GRIP1: variants seen among roughly 807,000 people sequenced by gnomAD.
GRIP1 encodes glutamate receptor interacting protein 1.
A neutral mutation model predicts 129.9 loss-of-function variants in GRIP1; 45 were observed. The observed-to-expected ratio is 0.35, with a 90% CI of 0.27 to 0.44. GRIP1 has a LOEUF of 0.44. GRIP1 is among the 20% of genes least tolerant of loss of function. The probability of loss-of-function intolerance (pLI) is 1.00; values close to 1 mark genes in which losing one functional copy is unlikely to be tolerated. For missense variants in GRIP1, 1,196 were observed against 1,396.8 expected, an observed-to-expected ratio of 0.86 and a Z score of 2.29; for synonymous variants, 530 against 520.8, an observed-to-expected ratio of 1.02 and a Z score of -0.24.
At chr12:66,417,988 T>G (rs1342095567) in intron 15 of GRIP1, among the ~76,000 whole-genome samples, 1 of 152,132 alleles carries the variant, frequency 6.6e-6, no homozygotes, top group Non-Finnish European at 1.5e-5. Flanking sequence ...AATTCTATCC[T>G]GAGCAAAAAG....
rs542462169 is a variant in GRIP1 at position 66,349,074 on chromosome 12, T to C, written c.3332A>G (p.Gln1111Arg). Residue 1111 changes from glutamine to arginine, a missense_variant, in exon 25 of 25, where the codon CAG becomes CGG. Around this residue, in one of 5 missense-constraint regions of GRIP1, gnomAD observed 427 missense variants for 463.3 expected, o/e 0.92. Coordinates refer to ENST00000359742, the MANE Select transcript of GRIP1 (RefSeq NM_001366722.1). ...DWSEQNSAFF[Q>R]QPSHGGNLET... ...CAAATTACCACCGTGGCTAGGCTGCTGGAAAAAAGCACTGTTCTGTTCACT... is the reference window on the plus strand; with the variant it reads ...CAAATTACCACCGTGGCTAGGCTGCCGGAAAAAAGCACTGTTCTGTTCACT... 8.3e-5 allele frequency: 134 copies of C among 1,614,036 alleles called. No homozygotes were observed. The highest frequency in any genetic ancestry group is 1.1e-4 in the Non-Finnish European group (124 of 1,180,006).
chr12:66,729,484 A>G (rs137875782), intron 1 of GRIP1, among the ~76,000 whole-genome samples: 1 of 152,340 alleles, frequency 6.6e-6, no homozygotes, highest in East Asian at 1.9e-4. Context: ...AGGAAGGACT[A>G]TTATATCTTC....
chr12:66,385,829 C>T (rs1437153272), intron 19 of GRIP1, among the ~76,000 whole-genome samples: 5 of 152,168 alleles, frequency 3.3e-5, no homozygotes, highest in East Asian at 3.9e-4. Context: ...AGGCTGATTT[C>T]GAACTCCTGA....
intron 13 of GRIP1, among the ~76,000 whole-genome samples, chr12:66,438,479 C>T (rs542873620): frequency 7.3e-5 from 11 of 151,254 alleles, no homozygotes; most frequent in South Asian, 4.2e-4. Context: ...TCTACCCATT[C>T]GTTCACCGAG....
At chr12:66,548,730 G>C (rs1470673010) in intron 2 of GRIP1, among the ~76,000 whole-genome samples, 1 of 152,150 alleles carries the variant, frequency 6.6e-6, no homozygotes. Flanking sequence ...TTGATTGGTG[G>C]ATGTTGACAT....
chr12:66,484,670 T>C (rs1490103277), intron 7 of GRIP1, among the ~76,000 whole-genome samples: 1 of 151,988 alleles, frequency 6.6e-6, no homozygotes, highest in African/African-American at 2.4e-5. Flanking sequence ...TACCAGAGGT[T>C]GGAAAGGAGA....
intron 1 of GRIP1, among the ~76,000 whole-genome samples, chr12:66,755,931 C>T (rs2037275070): frequency 6.6e-6 from 1 of 152,166 alleles, no homozygotes; most frequent in African/African-American, 2.4e-5. Flanking sequence ...TGGCCAATGG[C>T]TGTGTCCCTT....
chr12:66,985,223 C>T (rs1389526204), intron 1 of GRIP1, among the ~76,000 whole-genome samples: 1 of 152,070 alleles, frequency 6.6e-6, no homozygotes, highest in Non-Finnish European at 1.5e-5. Flanking sequence ...AAGGCAGTCA[C>T]AAAGGCAGCC....
chr12:66,543,829 C>T (rs781515586), intron 2 of GRIP1, among the ~76,000 whole-genome samples: 79 of 152,206 alleles, frequency 5.2e-4, no homozygotes, highest in Non-Finnish European at 9.7e-4. Context: ...GATTATAGAA[C>T]TTTACATGTA....
chr12:66,504,514 C>A (rs1036281990), intron 7 of GRIP1, among the ~76,000 whole-genome samples: 1 of 152,080 alleles, frequency 6.6e-6, no homozygotes, highest in Non-Finnish European at 1.5e-5. Flanking sequence ...ATCATATGTA[C>A]CTGTAGTGCT....
At chr12:66,722,771 A>C (rs2036099240) in intron 1 of GRIP1, among the ~76,000 whole-genome samples, 1 of 152,150 alleles carries the variant, frequency 6.6e-6, no homozygotes. Flanking sequence ...TTTTAGCTTT[A>C]GTGTCCTTTG....
intron 13 of GRIP1, among the ~76,000 whole-genome samples, chr12:66,439,915 A>G (rs76614245): frequency 0.071 from 10,747 of 152,094 alleles, 973 homozygotes; most frequent in East Asian, 0.22. Context: ...AAAAACAACA[A>G]CAACTTACTC....
At chr12:66,779,715 C>T (rs1158686215) in intron 1 of GRIP1, among the ~76,000 whole-genome samples, 1 of 152,168 alleles carries the variant, frequency 6.6e-6, no homozygotes, top group African/African-American at 2.4e-5. Context: ...TTGAACAAGA[C>T]AGACAACATT....
At chr12:66,356,341 C>T (rs770833462) in intron 23 of GRIP1, among the ~76,000 whole-genome samples, 1 of 152,178 alleles carries the variant, frequency 6.6e-6, no homozygotes, top group Non-Finnish European at 1.5e-5. Flanking sequence ...AGAGAATCGG[C>T]TCAAATCAAG....
intron 1 of GRIP1, among the ~76,000 whole-genome samples, chr12:66,641,203 T>C (rs2031893979): frequency 6.6e-6 from 1 of 152,182 alleles, no homozygotes; most frequent in African/African-American, 2.4e-5. Flanking sequence ...TGAGACACTG[T>C]TGATGCCTCA....
upstream of GRIP1, among the ~76,000 whole-genome samples, chr12:66,680,745 C>T (rs1407462178): frequency 6.6e-6 from 1 of 152,100 alleles, no homozygotes; most frequent in African/African-American, 2.4e-5. Flanking sequence ...CCAAATCTAA[C>T]ATATTTCCTA....
At chr12:66,565,301 T>C (rs1413760814) in intron 2 of GRIP1, among the ~76,000 whole-genome samples, 1 of 152,214 alleles carries the variant, frequency 6.6e-6, no homozygotes, top group Non-Finnish European at 1.5e-5. Context: ...AATTTTTGTA[T>C]AAGGTGTAAG....
At chr12:66,510,050 G>A (rs1250030135) in intron 7 of GRIP1, among the ~76,000 whole-genome samples, 1 of 152,082 alleles carries the variant, frequency 6.6e-6, no homozygotes, top group Non-Finnish European at 1.5e-5. Context: ...TGGTAATATA[G>A]TTCAACCATA....
intron 1 of GRIP1, among the ~76,000 whole-genome samples, chr12:66,885,186 C>T (rs1277540105): frequency 6.6e-6 from 1 of 152,120 alleles, no homozygotes; most frequent in Non-Finnish European, 1.5e-5. Flanking sequence ...ACTCATGATC[C>T]CTGTTCAACC....
Sources: allele counts gnomAD v4.1 joint callset (sites outside exome capture counted in the v4.1 genomes callset), GRCh38; gene constraint gnomAD v4.1.1; regional missense constraint gnomAD v4.1.1; transcripts MANE v1.5; gene names NCBI Gene and HGNC (gene_info 2026-07-23, HGNC 2026-07-21).